CDH13: variants seen among roughly 807,000 people sequenced by gnomAD.
CDH13 encodes cadherin 13.
A neutral mutation model predicts 63.8 loss-of-function variants in CDH13; 24 were observed. The ratio of observed to expected loss-of-function variants is 0.38; its 90% confidence interval spans 0.27 to 0.53. The LOEUF (loss-of-function observed/expected upper bound fraction) is 0.53, where lower values mean the gene tolerates loss of function less well. Ranked by LOEUF, CDH13 falls within the 20% of genes least tolerant of loss-of-function variation. The pLI, the probability that CDH13 is intolerant of heterozygous loss-of-function variation, is 0.85. For synonymous variants in CDH13, 503 were observed against 355.3 expected (o/e 1.42, Z -4.67); for missense variants, 1,049 against 903.1 (o/e 1.16, Z -2.07).
chr16:83,271,843 C>G (rs1416302333), intron 5 of CDH13, among the ~76,000 whole-genome samples: 1 of 152,198 alleles, frequency 6.6e-6, no homozygotes. Context: ...ATCTGTGTCA[C>G]TGCACTTGGG....
intron 6 of CDH13, among the ~76,000 whole-genome samples, chr16:83,431,115 G>A (rs9319443): frequency 4.0e-5 from 6 of 151,704 alleles, no homozygotes; most frequent in Admixed American, 1.3e-4. Flanking sequence ...ATGATTTCCA[G>A]TTTCATCCAT....
intron 10 of CDH13, among the ~76,000 whole-genome samples, chr16:83,720,045 G>C (rs1348217403): frequency 6.6e-6 from 1 of 152,142 alleles, no homozygotes; most frequent in East Asian, 1.9e-4. Context: ...TGTCTTCCTG[G>C]CGGGTTGGTG....
chr16:83,605,773 G>A (rs574124335), intron 8 of CDH13, among the ~76,000 whole-genome samples: 6 of 152,282 alleles, frequency 3.9e-5, no homozygotes, highest in South Asian at 2.1e-4. Flanking sequence ...CATTCTTATC[G>A]AAAGGGCCAC....
chr16:83,222,839 C>A (rs2039735985), intron 5 of CDH13, among the ~76,000 whole-genome samples: 1 of 152,134 alleles, frequency 6.6e-6, no homozygotes, highest in Admixed American at 6.5e-5. Flanking sequence ...ACAGGAAATA[C>A]CCACATATGA....
At chr16:83,577,464 C>G (rs1028285676) in intron 7 of CDH13, among the ~76,000 whole-genome samples, 2 of 152,216 alleles carry the variant, frequency 1.3e-5, no homozygotes, top group Non-Finnish European at 2.9e-5. Flanking sequence ...CAGACCTGCA[C>G]ACTGACATTT....
intron 4 of CDH13, among the ~76,000 whole-genome samples, chr16:83,188,597 C>A (rs555692759): frequency 9.2e-5 from 14 of 152,260 alleles, no homozygotes; most frequent in African/African-American, 2.9e-4. Flanking sequence ...GGCTCCCAAA[C>A]CTGTCCTTTT....
chr16:82,784,415 C>T (rs770687799), intron 1 of CDH13, among the ~76,000 whole-genome samples: 5 of 152,146 alleles, frequency 3.3e-5, no homozygotes, highest in African/African-American at 1.2e-4. Flanking sequence ...GAAATGTGGT[C>T]CAGCTGTGTG....
intron 3 of CDH13, among the ~76,000 whole-genome samples, chr16:83,097,824 T>C (rs1204087176): frequency 2.6e-5 from 4 of 152,214 alleles, no homozygotes; most frequent in Admixed American, 2.0e-4. Flanking sequence ...TTAGAGAGCC[T>C]TTAATATCAT....
chr16:83,371,608 A>G (rs965066649), intron 6 of CDH13, among the ~76,000 whole-genome samples: 6 of 152,236 alleles, frequency 3.9e-5, no homozygotes, highest in African/African-American at 1.4e-4. Flanking sequence ...CATAATTTAA[A>G]TCATATCATT....
intron 6 of CDH13, among the ~76,000 whole-genome samples, chr16:83,463,251 G>C (rs112930780): frequency 3.3e-5 from 5 of 152,354 alleles, no homozygotes; most frequent in African/African-American, 1.2e-4. Flanking sequence ...GAAAGTTCAA[G>C]TTAAGTGCAT....
chr16:83,058,227 C>G (rs1409240491), intron 3 of CDH13, among the ~76,000 whole-genome samples: 1 of 152,136 alleles, frequency 6.6e-6, no homozygotes, highest in East Asian at 1.9e-4. Context: ...GCAGAACTCT[C>G]AGAAGCTTTT....
intron 3 of CDH13, among the ~76,000 whole-genome samples, chr16:83,042,982 C>G (rs1457968964): frequency 6.6e-6 from 1 of 152,174 alleles, no homozygotes; most frequent in Non-Finnish European, 1.5e-5. Flanking sequence ...AAAAGCCTCC[C>G]CAGGTACTGT....
chr16:82,973,605 G>C (rs1241362960), intron 2 of CDH13, among the ~76,000 whole-genome samples: 3 of 152,208 alleles, frequency 2.0e-5, no homozygotes, highest in Admixed American at 6.5e-5. Flanking sequence ...CAGTGTGCAA[G>C]AATCCTGTTA....
intron 13 of CDH13, among the ~76,000 whole-genome samples, chr16:83,786,788 A>G (rs945586629): frequency 2.0e-5 from 3 of 152,070 alleles, no homozygotes; most frequent in African/African-American, 7.2e-5. Context: ...AGGTTTCACC[A>G]TGTTGTCCAG....
chr16:83,335,901 C>T (rs1170243467), intron 5 of CDH13, among the ~76,000 whole-genome samples: 3 of 152,124 alleles, frequency 2.0e-5, no homozygotes, highest in Non-Finnish European at 4.4e-5. Flanking sequence ...AGACAGGAAT[C>T]TTGCCGATGC....
intron 8 of CDH13, among the ~76,000 whole-genome samples, chr16:83,618,646 C>T (rs1410419053): frequency 2.0e-5 from 3 of 151,674 alleles, no homozygotes; most frequent in South Asian, 2.1e-4. Context: ...TGCCAAGAGC[C>T]GAGACAGTTG....
At chr16:83,402,035 T>C (rs1280644696) in intron 6 of CDH13, among the ~76,000 whole-genome samples, 3 of 152,060 alleles carry the variant, frequency 2.0e-5, no homozygotes, top group Non-Finnish European at 4.4e-5. Context: ...TAGATGTTGC[T>C]ATCTTTTTTC....
At chr16:83,044,069 T>A (rs903634972) in intron 3 of CDH13, among the ~76,000 whole-genome samples, 8 of 152,224 alleles carry the variant, frequency 5.3e-5, no homozygotes, top group African/African-American at 1.7e-4. Flanking sequence ...GATCATTCAC[T>A]GAGTTCCTAC....
intron 8 of CDH13, among the ~76,000 whole-genome samples, chr16:83,631,923 C>T (rs1191943227): frequency 2.0e-5 from 3 of 152,308 alleles, no homozygotes; most frequent in South Asian, 4.1e-4. Flanking sequence ...CAAGAAGTCT[C>T]GTTCGCCAGC....
Sources: gnomAD v4.1 joint callset for allele counts (sites outside exome capture counted in the v4.1 genomes callset) on GRCh38, gnomAD v4.1.1 for gene constraint, MANE v1.5 for transcripts, NCBI Gene and HGNC (gene_info 2026-07-23, HGNC 2026-07-21) for gene names.